Variants in DCDC2 observed in about 807,000 individuals in gnomAD.
The protein encoded by DCDC2 is doublecortin domain-containing protein 2.
In DCDC2, 40 loss-of-function variants were observed where a neutral mutation model predicts 50.2. The ratio of observed to expected loss-of-function variants is 0.80; its 90% confidence interval spans 0.62 to 1.04. The LOEUF (loss-of-function observed/expected upper bound fraction) is 1.04, where lower values mean the gene tolerates loss of function less well. Ranked by LOEUF, DCDC2 falls within the 50% of genes least tolerant of loss-of-function variation. The probability of loss-of-function intolerance (pLI) is 0.00; values close to 1 mark genes in which losing one functional copy is unlikely to be tolerated. For synonymous variants in DCDC2, 234 were observed against 210.6 expected (o/e 1.11, Z -0.96); for missense variants, 570 against 581.9 (o/e 0.98, Z 0.21).
intron 8 of DCDC2, among the ~76,000 whole-genome samples, chr6:24,195,912 A>G (rs942186790): frequency 1.3e-4 from 20 of 152,198 alleles, no homozygotes; most frequent in Non-Finnish European, 2.4e-4. Flanking sequence ...CTCCCAATGA[A>G]AGCAAAGACT....
chr6:24,263,887 T>C (rs78724607), intron 7 of DCDC2, among the ~76,000 whole-genome samples: 3,166 of 152,228 alleles, frequency 0.021, 94 homozygotes, highest in African/African-American at 0.068. Flanking sequence ...AAGAGGGTTA[T>C]AGAACACCAA....
At chr6:24,340,070 T>C (rs1581660609) in intron 2 of DCDC2, among the ~76,000 whole-genome samples, 1 of 152,294 alleles carries the variant, frequency 6.6e-6, no homozygotes, top group African/African-American at 2.4e-5. Flanking sequence ...ATTGCTTGGA[T>C]TGCATTATAT....
rs75930087 is a variant in DCDC2, at chr6:24,247,263, T to G, written c.922+30786A>C. ...TCTGGGGACTGAGCTATGATCATGC[T>G]ACTGCACTTCAGCCTCAGTGATAGA... On this transcript the variant is annotated intron_variant, in intron 7 of 9. Transcript: ENST00000378454. Among the ~76,000 whole-genome samples, 1,405 of 152,262 alleles carry G rather than the reference T, an allele frequency of 9.2e-3. 11 individuals carry two copies. The highest frequency in any genetic ancestry group is 0.018 in the African/African-American group (752 of 41,544).
At chr6:24,320,975 C>A (rs867608598) in intron 2 of DCDC2, among the ~76,000 whole-genome samples, 2 of 146,928 alleles carry the variant, frequency 1.4e-5, no homozygotes, top group Middle Eastern at 3.6e-3. Context: ...AAAAAAAAAA[C>A]AGCAGGGCCA....
At chr6:24,260,026 A>T (rs1206995783) in intron 7 of DCDC2, among the ~76,000 whole-genome samples, 2 of 152,196 alleles carry the variant, frequency 1.3e-5, no homozygotes, top group African/African-American at 2.4e-5. Context: ...GCTTAAGGTT[A>T]TTTTTAGTTT....
At chr6:24,331,612 T>A (rs1237929427) in intron 2 of DCDC2, among the ~76,000 whole-genome samples, 1 of 152,168 alleles carries the variant, frequency 6.6e-6, no homozygotes, top group Non-Finnish European at 1.5e-5. Context: ...TCAGAAATAT[T>A]TGGATATACT....
At chr6:24,371,151 C>T in the DCDC2 span, among the ~76,000 whole-genome samples, 8 of 151,414 alleles carry the variant, frequency 5.3e-5, no homozygotes, top group Non-Finnish European at 7.4e-5. Flanking sequence ...GCGGTGTGTG[C>T]CTGCAATCCC....
intron 2 of DCDC2, among the ~76,000 whole-genome samples, chr6:24,321,375 T>A (rs1759771325): frequency 6.6e-6 from 1 of 152,116 alleles, no homozygotes; most frequent in Non-Finnish European, 1.5e-5. Context: ...AAGGAAAAAA[T>A]AATGGTAACT....
chr6:24,179,953 CAAAAAAAA>C (rs56376644), intron 8 of DCDC2, among the ~76,000 whole-genome samples: 2 of 85,984 alleles, frequency 2.3e-5, no homozygotes, highest in African/African-American at 9.3e-5. Flanking sequence ...GACTCCATCT[CAAAAAAAA>C]AAAAAAAAAA....
intron 7 of DCDC2, among the ~76,000 whole-genome samples, chr6:24,237,723 G>A (rs957388343): frequency 1.3e-5 from 2 of 152,212 alleles, no homozygotes; most frequent in East Asian, 3.9e-4. Flanking sequence ...TATAACCCCT[G>A]GAAAACAATG....
At chr6:24,347,199 C>A (rs887558107) in intron 2 of DCDC2, among the ~76,000 whole-genome samples, 1 of 152,130 alleles carries the variant, frequency 6.6e-6, no homozygotes, top group Non-Finnish European at 1.5e-5. Flanking sequence ...TATTTAGCCC[C>A]CTAAATACAG....
At chr6:24,320,062 G>A (rs1025847587) in intron 2 of DCDC2, among the ~76,000 whole-genome samples, 11 of 152,128 alleles carry the variant, frequency 7.2e-5, no homozygotes, top group African/African-American at 2.2e-4. Flanking sequence ...GAAGTCTAAC[G>A]ACAAAAAGCT....
intron 8 of DCDC2, among the ~76,000 whole-genome samples, chr6:24,204,109 C>T (rs918206841): frequency 1.3e-5 from 2 of 152,052 alleles, no homozygotes; most frequent in African/African-American, 4.8e-5. Flanking sequence ...GCCAGAAATA[C>T]CCTTTGACCC....
chr6:24,292,351 A>C (rs1763770470), intron 4 of DCDC2, among the ~76,000 whole-genome samples: 1 of 152,200 alleles, frequency 6.6e-6, no homozygotes, highest in African/African-American at 2.4e-5. Flanking sequence ...CGCAAAAAAA[A>C]AAACCCATTG....
At position 24,353,328 on chromosome 6, in the gene DCDC2, G is replaced by C. The variant is rs180952007; in HGVS notation, c.348+241C>G. 9 of 569,854 alleles carry C rather than the reference G, an allele frequency of 1.6e-5. No homozygotes were observed. In the Admixed American group the frequency reaches 2.0e-4, roughly 13 times the overall value. 35.3% of individuals were successfully genotyped at this position (569,854 alleles called of 1,614,324 possible). On this transcript the variant is annotated intron_variant, in intron 2 of 9. Transcript: ENST00000378454. ...AATCAGAGAACATGTAGCTAGAAAA[G>C]AGAAAAATATGTTTTGTCTAATCTT... is the stretch of plus-strand genomic sequence containing the variant.
At chr6:24,217,625 T>C (rs989819562) in intron 7 of DCDC2, among the ~76,000 whole-genome samples, 16 of 152,358 alleles carry the variant, frequency 1.1e-4, no homozygotes, top group Admixed American at 9.8e-4. Flanking sequence ...TAGGCCTGAA[T>C]TGCTCATTAA....
chr6:24,284,461 A>T (rs1423245982), intron 6 of DCDC2, among the ~76,000 whole-genome samples: 6 of 151,688 alleles, frequency 4.0e-5, no homozygotes, highest in Admixed American at 3.9e-4. Context: ...AAAATACAAA[A>T]ATTAGCCAGG....
intron 7 of DCDC2, among the ~76,000 whole-genome samples, chr6:24,221,228 C>T (rs1440523900): frequency 6.6e-6 from 1 of 152,094 alleles, no homozygotes; most frequent in African/African-American, 2.4e-5. Flanking sequence ...CTCCTCTGCC[C>T]AACTTCTAAG....
At chr6:24,307,789 TA>T (rs1199178336) in intron 2 of DCDC2, among the ~76,000 whole-genome samples, 2 of 152,116 alleles carry the variant, frequency 1.3e-5, no homozygotes, top group Non-Finnish European at 2.9e-5. Flanking sequence ...CACTATTTTT[TA>T]AATGGGAGAA....
Sources: gnomAD v4.1 joint callset for allele counts (sites outside exome capture counted in the v4.1 genomes callset) on GRCh38, gnomAD v4.1.1 for gene constraint, MANE v1.5 for transcripts, NCBI Gene and HGNC (gene_info 2026-07-23, HGNC 2026-07-21) for gene names.